The following TM4SF5 variants were observed in gnomAD, a reference collection of about 807,000 sequenced individuals.
TM4SF5 encodes the protein transmembrane 4 L6 family member 5.
TM4SF5 carries 16 observed loss-of-function variants against 22.3 expected under a neutral mutation model. The ratio of observed to expected loss-of-function variants is 0.72; its 90% CI spans 0.49 to 1.09. TM4SF5 has a LOEUF of 1.09. Ranked by LOEUF, TM4SF5 falls within the 50% of genes least tolerant of loss-of-function variation. The pLI is 0.00. For synonymous variants in TM4SF5, 113 were observed against 109.6 expected, an observed-to-expected ratio of 1.03 and a Z score of -0.19; for missense variants, 249 against 266.1, an observed-to-expected ratio of 0.94 and a Z score of 0.45.
chr17:4,782,834 T>A lies in TM4SF5; in HGVS notation c.396-20T>A. On this transcript the variant is annotated intron_variant, in intron 3 of 4. Transcript: ENST00000270560. ...CACGCGCACGCTGCCTTCTCCCACGTGGCCTCACCCCTCCCACAGGGGAGC... is the reference window on the plus strand; with the variant it reads ...CACGCGCACGCTGCCTTCTCCCACGAGGCCTCACCCCTCCCACAGGGGAGC... 3 of 1,604,268 alleles carry A rather than the reference T, an allele frequency of 1.9e-6. No homozygotes were observed. The highest frequency in any genetic ancestry group is 2.6e-6 in the Non-Finnish European group (3 of 1,174,356).
intron 1 of TM4SF5, 133 bp downstream of exon 1, chr17:4,772,232 C>A (rs1049790251): frequency 1.8e-6 from 2 of 1,125,552 alleles, no homozygotes; most frequent in African/African-American, 1.5e-5. Flanking sequence ...TGGGGGCTAG[C>A]AGCCCTCTGG....
At chr17:4,781,717 G>T (rs1259972706) in intron 2 of TM4SF5, among the ~76,000 whole-genome samples, 1 of 151,792 alleles carries the variant, frequency 6.6e-6, no homozygotes. Flanking sequence ...GGGTTTCACT[G>T]TTGGCCAGAG....
In TM4SF5 at chr17:4,771,911, T is replaced by A; in HGVS notation, c.-12T>A. The A allele has an allele frequency of 6.2e-7, 1 of 1,614,108 alleles. No homozygotes were observed. The highest frequency in any genetic ancestry group is 8.5e-7 in the Non-Finnish European group (1 of 1,179,972). ...ACTTTCACTCACCGCCTGTCCTTCC[T>A]GACACCTCACCATGTGTACGGGAAA... On this transcript the variant is annotated 5_prime_UTR_variant, in exon 1 of 5. Coordinates refer to ENST00000270560, the MANE Select transcript of TM4SF5 (RefSeq NM_003963.3).
chr17:4,780,393 A>G (rs960900803), intron 1 of TM4SF5, among the ~76,000 whole-genome samples: 2 of 152,010 alleles, frequency 1.3e-5, no homozygotes, highest in African/African-American at 2.4e-5. Flanking sequence ...TTGTTCTCCC[A>G]TTAAATCCTG....
At chr17:4,775,348 T>A (rs1917185790) in intron 1 of TM4SF5, among the ~76,000 whole-genome samples, 2 of 151,204 alleles carry the variant, frequency 1.3e-5, no homozygotes, top group South Asian at 4.2e-4. Flanking sequence ...AAGCTCCACC[T>A]CTTGGGTTCA....
intron 1 of TM4SF5, among the ~76,000 whole-genome samples, chr17:4,775,914 A>T (rs750634378): frequency 6.6e-6 from 1 of 151,730 alleles, no homozygotes; most frequent in Non-Finnish European, 1.5e-5. Flanking sequence ...GCGCTATCTC[A>T]GCTCACTGCA....
intron 1 of TM4SF5, among the ~76,000 whole-genome samples, chr17:4,772,773 T>G (rs972807175): frequency 6.6e-6 from 1 of 151,236 alleles, no homozygotes; most frequent in Admixed American, 6.6e-5. Flanking sequence ...TGGAGTGTGG[T>G]GGTGCGAACA....
rs377001851 is a variant in TM4SF5, at chr17:4,771,979, C to T, written c.57C>T (p.Leu19=). 58 of 1,614,090 alleles carry T rather than the reference C, an allele frequency of 3.6e-5. No homozygotes were observed. The highest frequency in any genetic ancestry group is 1.2e-4 in the Admixed American group (7 of 59,982). ...CVGLSLITLC[L]VCIVANALLL... ...GGCTCTCCCTCATTACCCTCTGCCT[C>T]GTCTGCATTGTGGCCAACGCCCTCC... The change falls in exon 1 of 5, where the codon CTC becomes CTT. Residue 19 remains leucine (L), a synonymous_variant. Transcript: ENST00000270560.
chr17:4,779,626 T>C (rs1276172577), intron 1 of TM4SF5, among the ~76,000 whole-genome samples: 1 of 152,118 alleles, frequency 6.6e-6, no homozygotes, highest in Non-Finnish European at 1.5e-5. Context: ...TTGATGTCTT[T>C]CTGGGTGCAA....
At chr17:4,780,376 A>G (rs1022750322) in intron 1 of TM4SF5, among the ~76,000 whole-genome samples, 3 of 152,118 alleles carry the variant, frequency 2.0e-5, no homozygotes, top group Admixed American at 1.3e-4. Flanking sequence ...CTTAACACCT[A>G]GTCAGCTTGT....
chr17:4,778,216 C>T (rs1917241765), intron 1 of TM4SF5, among the ~76,000 whole-genome samples: 1 of 152,110 alleles, frequency 6.6e-6, no homozygotes, highest in Admixed American at 6.6e-5. Flanking sequence ...GAAGAGAGAG[C>T]AGGTGTTTCT....
chr17:4,774,566 A>G (rs757499384), intron 1 of TM4SF5, among the ~76,000 whole-genome samples: 9 of 151,752 alleles, frequency 5.9e-5, no homozygotes, highest in Non-Finnish European at 7.4e-5. Flanking sequence ...AAAAATAAAA[A>G]AGTCATTGAA....
chr17:4,774,371 C>T (rs1490438480), intron 1 of TM4SF5, among the ~76,000 whole-genome samples: 1 of 152,088 alleles, frequency 6.6e-6, no homozygotes, highest in African/African-American at 2.4e-5. Flanking sequence ...CTTTGTTGGC[C>T]ACTATGTACC....
chr17:4,772,199 G>A (rs1171464351), intron 1 of TM4SF5, 100 bp downstream of exon 1: 2 of 1,451,184 alleles, frequency 1.4e-6, no homozygotes, highest in African/African-American at 2.8e-5. Flanking sequence ...ATGGTTGCTT[G>A]GGAGAGGATG....
chr17:4,776,178 G>A (rs1187542905), intron 1 of TM4SF5, among the ~76,000 whole-genome samples: 3 of 151,976 alleles, frequency 2.0e-5, no homozygotes, highest in Non-Finnish European at 2.9e-5. Flanking sequence ...TCCATATTAC[G>A]TTTGTGAGAG....
chr17:4,777,949 G>T (rs985508209), intron 1 of TM4SF5, among the ~76,000 whole-genome samples: 2 of 152,094 alleles, frequency 1.3e-5, no homozygotes, highest in African/African-American at 4.8e-5. Flanking sequence ...CTAATGCTAA[G>T]GTGAGAGGAT....
chr17:4,775,567 T>C (rs1433258901), intron 1 of TM4SF5, among the ~76,000 whole-genome samples: 2 of 151,512 alleles, frequency 1.3e-5, no homozygotes, highest in Non-Finnish European at 2.9e-5. Context: ...CCATGCCCTA[T>C]TGAAGGACTT....
chr17:4,783,201 T>C lies in TM4SF5; in HGVS notation c.*73T>C. The C allele has an allele frequency of 1.3e-6, 2 of 1,596,084 alleles. No individual in the cohort carries two copies. Among genetic ancestry groups the C allele is most frequent in the Non-Finnish European group, 1.7e-6 (2 of 1,165,954 alleles). ...TCCCTTGCTCGCTAGAATAAACTGCTTTGCGCTCTCTTCTCTGTCTGAGAT... is the reference window on the plus strand; with the variant it reads ...TCCCTTGCTCGCTAGAATAAACTGCCTTGCGCTCTCTTCTCTGTCTGAGAT... On this transcript the variant is annotated 3_prime_UTR_variant, in exon 5 of 5. Coordinates refer to ENST00000270560, the MANE Select transcript of TM4SF5 (RefSeq NM_003963.3).
At chr17:4,772,251 C>A in intron 1 of TM4SF5, 152 bp downstream of exon 1, 2 of 951,262 alleles carry the variant, frequency 2.1e-6, no homozygotes, top group East Asian at 2.6e-5. Flanking sequence ...GGAGTCAGTC[C>A]TGGAGGAGCC....
Sources: gnomAD v4.1 joint callset for allele counts (sites outside exome capture counted in the v4.1 genomes callset) on GRCh38, gnomAD v4.1.1 for gene constraint, MANE v1.5 for transcripts, NCBI Gene and HGNC (gene_info 2026-07-23, HGNC 2026-07-21) for gene names.